The following ADAMTSL1 variants were observed in gnomAD, a reference collection of about 807,000 sequenced individuals.
The protein encoded by ADAMTSL1 is ADAMTS like 1, also known as ADAMTS-like protein 1.
In ADAMTSL1, 126 loss-of-function variants were observed where a neutral mutation model predicts 201.8. That is an observed-to-expected ratio of 0.62 (90% CI 0.54 to 0.72). ADAMTSL1 has a LOEUF of 0.72. Among genes scored for constraint, ADAMTSL1 ranks in the 30% least tolerant of loss-of-function variants. The pLI is 0.00. For missense variants in ADAMTSL1, 2,679 were observed against 2,277.8 expected, an observed-to-expected ratio of 1.18 and a Z score of -3.59; for synonymous variants, 1,121 against 903.4, an observed-to-expected ratio of 1.24 and a Z score of -4.32.
chr9:18,681,707 G>GGT, intron 11 of ADAMTSL1, 105 bp from the exon 12 acceptor site: 1 of 739,844 alleles, frequency 1.4e-6, no homozygotes, highest in Admixed American at 3.3e-5. Context: ...TGGGGGGGGG[G>GGT]GGCGGGGAAA....
At chr9:18,904,694 C>T (rs7861391) in intron 26 of ADAMTSL1, among the ~76,000 whole-genome samples, 19,711 of 48,568 alleles carry the variant, frequency 0.41, 5,842 homozygotes, top group African/African-American at 0.57. Context: ...GTGTATTTTA[C>T]GATTTAAAAA....
intron 3 of ADAMTSL1, among the ~76,000 whole-genome samples, chr9:18,538,797 A>C (rs1468602004): frequency 6.6e-6 from 1 of 152,178 alleles, no homozygotes; most frequent in Non-Finnish European, 1.5e-5. Flanking sequence ...TTTTCTCATA[A>C]GGCCTTTGTA....
chr9:18,284,825 TC>T (rs1832931791), intron 2 of ADAMTSL1, among the ~76,000 whole-genome samples: 2 of 152,354 alleles, frequency 1.3e-5, no homozygotes, highest in South Asian at 4.1e-4. Flanking sequence ...ATCTGATTTT[TC>T]TCAGCTATCT....
intron 2 of ADAMTSL1, among the ~76,000 whole-genome samples, chr9:18,523,848 T>G (rs1818864035): frequency 7.3e-6 from 1 of 137,788 alleles, no homozygotes; most frequent in South Asian, 2.4e-4. Flanking sequence ...ACTGTAGCCT[T>G]GCAGTATAGT....
intron 1 of ADAMTSL1, among the ~76,000 whole-genome samples, chr9:17,924,551 A>G (rs1461180732): frequency 6.6e-6 from 1 of 150,994 alleles, no homozygotes; most frequent in African/African-American, 2.4e-5. Context: ...ATAACGCCGC[A>G]TACCTACAAC....
In ADAMTSL1 at chr9:18,406,998, A is replaced by G. The variant is rs540834473; in HGVS notation, c.208-97831A>G. Among the ~76,000 whole-genome samples, 6 of 152,350 alleles carry G rather than the reference A, an allele frequency of 3.9e-5. No individual in the cohort carries two copies. In the East Asian group the frequency reaches 1.2e-3, roughly 29 times the overall value. On this transcript the variant is annotated intron_variant, in intron 2 of 29. Coordinates refer to the ADAMTSL1 transcript ENST00000680146. ...TAAAAGATTTATGTATTCATCCAACAAACATTTATTGAGTTTCTATTAGGC... is the reference window on the plus strand; with the variant it reads ...TAAAAGATTTATGTATTCATCCAACGAACATTTATTGAGTTTCTATTAGGC...
intron 7 of ADAMTSL1, among the ~76,000 whole-genome samples, chr9:18,654,101 C>T (rs1158962077): frequency 1.3e-5 from 2 of 152,184 alleles, no homozygotes; most frequent in Non-Finnish European, 2.9e-5. Flanking sequence ...TGGTGGTGGA[C>T]ACCTATAATA....
chr9:18,420,450 T>C (rs192766165), intron 2 of ADAMTSL1, among the ~76,000 whole-genome samples: 156 of 152,286 alleles, frequency 1.0e-3, no homozygotes, highest in Non-Finnish European at 1.8e-3. Flanking sequence ...TTTCCTCAAA[T>C]GTAGGTAAGA....
Position 18,886,184 on chromosome 9 carries a change from A to G in ADAMTSL1, c.4250-1647A>G, listed in dbSNP as rs553002105. Among the ~76,000 whole-genome samples, 49 of 128,042 alleles carry G rather than the reference A, an allele frequency of 3.8e-4. 1 individual carries two copies. Among genetic ancestry groups the G allele is most frequent in the East Asian group, 9.3e-4 (4 of 4,320 alleles). 84.0% of individuals were successfully genotyped at this position (128,042 alleles called of 152,430 possible). On this transcript the variant is annotated intron_variant, in intron 23 of 28. Transcript: ENST00000380548. ...TGTATGTGTATATATATATATATAT[A>G]TATATATATATATATATATATATAT...
At chr9:18,137,524 C>G (rs1564020939) in intron 1 of ADAMTSL1, among the ~76,000 whole-genome samples, 1 of 152,076 alleles carries the variant, frequency 6.6e-6, no homozygotes, top group Non-Finnish European at 1.5e-5. Context: ...ACATGTAAGT[C>G]CTTCTGTAGT....
chr9:18,661,932 C>T lies in ADAMTSL1; in HGVS notation c.947-3C>T. ...AACTTGCCTGGATGGTTTGATACTA[C>T]AGGTTATCAGCTGACATCGGCTGAG... is the stretch of plus-strand genomic sequence containing the variant. On this transcript the variant is annotated splice_region_variant and splice_polypyrimidine_tract_variant and intron_variant, in intron 8 of 28. Coordinates refer to ENST00000380548, the MANE Select transcript of ADAMTSL1 (RefSeq NM_001040272.6). 1 of 1,611,704 alleles carries T rather than the reference C, an allele frequency of 6.2e-7. No homozygotes were observed. Among genetic ancestry groups the T allele is most frequent in the South Asian group, 1.1e-5 (1 of 90,450 alleles).
chr9:18,825,439 T>C (rs1258652526), intron 21 of ADAMTSL1, among the ~76,000 whole-genome samples: 2 of 152,214 alleles, frequency 1.3e-5, no homozygotes, highest in Admixed American at 1.3e-4. Flanking sequence ...TACCATTTCA[T>C]GTTCTCTTGC....
chr9:18,569,840 T>G (rs1822181342), intron 3 of ADAMTSL1, among the ~76,000 whole-genome samples: 1 of 152,158 alleles, frequency 6.6e-6, no homozygotes, highest in Non-Finnish European at 1.5e-5. Flanking sequence ...AATTTAAAGT[T>G]TATTATTCTT....
chr9:18,327,204 C>T (rs1834861257), intron 2 of ADAMTSL1, among the ~76,000 whole-genome samples: 4 of 152,126 alleles, frequency 2.6e-5, no homozygotes, highest in Admixed American at 2.0e-4. Context: ...GGGCAGAAAC[C>T]TTTGCTGTTC....
In ADAMTSL1 at chr9:18,787,051, T is replaced by G. The variant is rs141713756; in HGVS notation, c.3678-8346T>G. On this transcript the variant is annotated intron_variant, in intron 19 of 28. Transcript: ENST00000380548. ...TTTCAGAACCATAGTTGTGAATAAT[T>G]CTCTATGTACAAGTCATAAGCACAT... is the stretch of plus-strand genomic sequence containing the variant. Among the ~76,000 whole-genome samples the G allele has an allele frequency of 1.1e-4, 17 of 152,278 alleles. No homozygotes were observed. In the East Asian group the frequency reaches 3.1e-3, roughly 28 times the overall value.
intron 13 of ADAMTSL1, among the ~76,000 whole-genome samples, chr9:18,701,395 T>C (rs1831914859): frequency 6.6e-6 from 1 of 152,044 alleles, no homozygotes; most frequent in Non-Finnish European, 1.5e-5. Context: ...AATTTCTGTA[T>C]TTTTAGTAGA....
intron 1 of ADAMTSL1, among the ~76,000 whole-genome samples, chr9:17,955,519 C>G (rs1443716655): frequency 6.6e-6 from 1 of 152,130 alleles, no homozygotes; most frequent in South Asian, 2.1e-4. Context: ...AGCTTTGGTC[C>G]AAAACATTAA....
intron 1 of ADAMTSL1, among the ~76,000 whole-genome samples, chr9:18,150,246 G>A (rs1045636290): frequency 6.6e-6 from 1 of 152,016 alleles, no homozygotes. Context: ...GAGCACCAGA[G>A]AGCAACAGCC....
chr9:18,350,839 T>A (rs1391148201), intron 2 of ADAMTSL1, among the ~76,000 whole-genome samples: 2 of 152,184 alleles, frequency 1.3e-5, no homozygotes, highest in Non-Finnish European at 2.9e-5. Context: ...AAAACTTTAC[T>A]AGTCTCAAGG....
Sources: allele counts gnomAD v4.1 joint callset (sites outside exome capture counted in the v4.1 genomes callset), GRCh38; gene constraint gnomAD v4.1.1; transcripts MANE v1.5; gene names NCBI Gene and HGNC (gene_info 2026-07-23, HGNC 2026-07-21).